RCOR3: variants seen among roughly 807,000 people sequenced by gnomAD.
RCOR3 encodes REST corepressor 3.
A neutral mutation model predicts 64.1 loss-of-function variants in RCOR3; 13 were observed. The ratio of observed to expected loss-of-function variants is 0.20; its 90% CI spans 0.13 to 0.32. RCOR3 has a LOEUF of 0.32. Among genes scored for constraint, RCOR3 ranks in the 10% least tolerant of loss-of-function variants. RCOR3 has a pLI of 1.00. For missense variants in RCOR3, 489 were observed against 701.2 expected, an observed-to-expected ratio of 0.70 and a Z score of 3.42; for synonymous variants, 215 against 239.0, an observed-to-expected ratio of 0.90 and a Z score of 0.93.
At chr1:211,270,524 A>G (rs543809297) in intron 2 of RCOR3, among the ~76,000 whole-genome samples, 14 of 138,810 alleles carry the variant, frequency 1.0e-4, no homozygotes, top group African/African-American at 3.2e-4. Context: ...AATTACAGCA[A>G]TCTTGGCCCA....
intron 2 of RCOR3, among the ~76,000 whole-genome samples, chr1:211,263,081 T>A (rs1320098084): frequency 7.0e-6 from 1 of 142,396 alleles, no homozygotes; most frequent in Non-Finnish European, 1.5e-5. Flanking sequence ...GTCCGTGTGT[T>A]CTCATTGTTC....
In RCOR3 at chr1:211,279,293, CCCAAAAAAGAAG is replaced by C; in HGVS notation, c.708_719del (p.Ala237_Glu240del). 12 of 1,610,774 alleles carry C rather than the reference CCCAAAAAAGAAG, an allele frequency of 7.4e-6. No individual in the cohort carries two copies. Among genetic ancestry groups the C allele is most frequent in the East Asian group, 4.5e-5 (2 of 44,722 alleles). On this transcript the variant is annotated inframe_deletion, in exon 7 of 12. Transcript: ENST00000419091. ...GGATGGGAATGATAGTGATTATGATCCCAAAAAAGAAGCCAAAAAAGAGGTAATGATGATCAC... is the reference window on the plus strand; with the variant it reads ...GGATGGGAATGATAGTGATTATGATCCCAAAAAAGAGGTAATGATGATCAC...
intron 2 of RCOR3, among the ~76,000 whole-genome samples, chr1:211,262,451 A>G (rs762291555): frequency 4.5e-4 from 69 of 151,954 alleles, no homozygotes; most frequent in Non-Finnish European, 8.4e-4. Context: ...CACCTTTCTG[A>G]TTTGGAGCTT....
chr1:211,270,948 G>A (rs1034810834), intron 2 of RCOR3, among the ~76,000 whole-genome samples: 7 of 151,414 alleles, frequency 4.6e-5, no homozygotes, highest in Non-Finnish European at 7.4e-5. Flanking sequence ...TCCGCCTCCC[G>A]GGTTCACGCC....
intron 8 of RCOR3, among the ~76,000 whole-genome samples, chr1:211,293,474 C>G (rs187044081): frequency 6.6e-6 from 1 of 152,314 alleles, no homozygotes; most frequent in Non-Finnish European, 1.5e-5. Flanking sequence ...GCAGTCCCTC[C>G]TCCCAAGCTT....
intron 7 of RCOR3, among the ~76,000 whole-genome samples, chr1:211,280,379 G>A (rs536556975): frequency 6.6e-6 from 1 of 152,266 alleles, no homozygotes; most frequent in Admixed American, 6.5e-5. Flanking sequence ...TGCCCACTAA[G>A]CTGCTAACTC....
At chr1:211,285,169 A>G (rs1287394015) in intron 7 of RCOR3, among the ~76,000 whole-genome samples, 1 of 152,142 alleles carries the variant, frequency 6.6e-6, no homozygotes, top group Non-Finnish European at 1.5e-5. Context: ...TAGTCCTTGT[A>G]TCTTATTTCT....
chr1:211,266,745 C>G (rs114299082), intron 2 of RCOR3, among the ~76,000 whole-genome samples: 4,231 of 152,198 alleles, frequency 0.028, 209 homozygotes, highest in African/African-American at 0.095. Flanking sequence ...AATGTCTGTT[C>G]AATGTTTTAG....
intron 10 of RCOR3, among the ~76,000 whole-genome samples, chr1:211,307,490 A>AGAATTGAAAAAG (rs1700969265): frequency 6.6e-6 from 1 of 150,590 alleles, no homozygotes; most frequent in Non-Finnish European, 1.5e-5. Flanking sequence ...CAAAAAAAAA[A>AGAATTGAAAAAG]GAATTTAAAA....
rs1431775362 is a variant in RCOR3, at chr1:211,314,661, C to G, written c.*893C>G. 6.6e-6 allele frequency: 1 copy of G among 152,104 alleles called. No individual in the cohort carries two copies. Among genetic ancestry groups the G allele is most frequent in the Non-Finnish European group, 1.5e-5 (1 of 67,996 alleles). 9.4% of individuals were successfully genotyped at this position (152,104 alleles called of 1,614,324 possible). ...AGTAGTTGCCTACATCTGGGGACTTCAGAGAAGAATTATATTTTGTTAGTT... is the reference window on the plus strand; with the variant it reads ...AGTAGTTGCCTACATCTGGGGACTTGAGAGAAGAATTATATTTTGTTAGTT... On this transcript the variant is annotated 3_prime_UTR_variant, in exon 12 of 12. Coordinates refer to ENST00000419091, the MANE Select transcript of RCOR3 (RefSeq NM_001136223.3).
chr1:211,289,327 C>T lies in RCOR3; in HGVS notation c.870C>T (p.Ser290=), dbSNP rs1407210342. 6.2e-7 allele frequency: 1 copy of T among 1,614,124 alleles called. No individual in the cohort carries two copies. The highest frequency in any genetic ancestry group is 8.5e-7 in the Non-Finnish European group (1 of 1,180,024). The change falls in exon 8 of 12, where the codon TCC becomes TCT. Residue 290 remains serine (S), a synonymous_variant. Coordinates refer to ENST00000419091, the MANE Select transcript of RCOR3 (RefSeq NM_001136223.3). The part of the protein sequence containing the change: ...YLTQEDVVAV[S]CSPNAANTIL... ...CCCAGGAAGATGTGGTAGCAGTTTC[C>T]TGTAGTCCCAATGCAGCCAACACCA...
At chr1:211,307,756 A>C (rs932978284) in intron 10 of RCOR3, among the ~76,000 whole-genome samples, 1 of 151,878 alleles carries the variant, frequency 6.6e-6, no homozygotes, top group Non-Finnish European at 1.5e-5. Context: ...TCCCAACTAA[A>C]ATTTATGCTA....
At chr1:211,301,173 T>C (rs1700344262) in intron 9 of RCOR3, among the ~76,000 whole-genome samples, 1 of 152,134 alleles carries the variant, frequency 6.6e-6, no homozygotes, top group African/African-American at 2.4e-5. Context: ...CTTATAAAAA[T>C]TTTCCAGAGT....
intron 1 of RCOR3, 126 bp from the exon 2 acceptor site, chr1:211,259,982 T>TA: frequency 7.6e-7 from 1 of 1,321,874 alleles, no homozygotes. Context: ...CCCGAGTTGA[T>TA]ATCTTCCCAT....
At chr1:211,292,868 G>C (rs770419811) in intron 8 of RCOR3, among the ~76,000 whole-genome samples, 1 of 151,958 alleles carries the variant, frequency 6.6e-6, no homozygotes, top group Non-Finnish European at 1.5e-5. Flanking sequence ...GGTGAATCGC[G>C]AGGTTAGGAG....
rs764455935 is a variant in RCOR3 at position 211,313,662 on chromosome 1, C to A, written c.1556C>A (p.Ser519Tyr). The change falls in exon 12 of 12, where the codon TCC becomes TAC. Residue 519 changes from serine (S) to tyrosine (Y), a missense_variant. Transcript: ENST00000419091. This position sits in a 1 kb window ranked among gnomAD's most constrained non-coding sequence, Gnocchi z 4.7. ...CCACCTCTTATTCGCCCTGCTAATT[C>A]CATGCCACCCCGTCTAAACCCAAGA... ...PPPPLIRPAN[S>Y]MPPRLNPRPV... is the part of the protein sequence containing the mutation. The A allele has an allele frequency of 6.2e-7, 1 of 1,614,216 alleles. No individual in the cohort carries two copies. The highest frequency in any genetic ancestry group is 8.5e-7 in the Non-Finnish European group (1 of 1,180,034).
In RCOR3 at chr1:211,312,244, G is replaced by C; in HGVS notation, c.1076-476G>C. 1 of 343,870 alleles carries C rather than the reference G, an allele frequency of 2.9e-6. No homozygotes were observed. The highest frequency in any genetic ancestry group is 6.3e-6 in the Non-Finnish European group (1 of 159,082). 21.3% of individuals were successfully genotyped at this position (343,870 alleles called of 1,614,324 possible). ...TTAGTATTAAGACCAAAATTATAAT[G>C]CTTTTCTTAATGGGGGAACCCTAAG... On this transcript the variant is annotated intron_variant, in intron 10 of 11. Transcript: ENST00000419091. This position sits in a 1 kb window ranked among gnomAD's most constrained non-coding sequence, Gnocchi z 5.0.
intron 10 of RCOR3, among the ~76,000 whole-genome samples, chr1:211,311,705 T>C (rs1701502235): frequency 6.6e-6 from 1 of 152,174 alleles, no homozygotes; most frequent in South Asian, 2.1e-4. Flanking sequence ...AGTTACTGTT[T>C]TCTGGTATTT....
intron 2 of RCOR3, chr1:211,261,028 T>TCCTTCTCCCCACCCTGCCTGAGAC: frequency 1.3e-5 from 2 of 152,402 alleles, no homozygotes; most frequent in East Asian, 1.9e-4. Context: ...GGAGCGCGTT[T>TCCTTCTCCCCACCCTGCCTGAGAC]CCTTCTCCCC....
Sources: allele counts gnomAD v4.1 joint callset (sites outside exome capture counted in the v4.1 genomes callset), GRCh38; gene constraint gnomAD v4.1.1; non-coding constraint Gnocchi (gnomAD v3.1); transcripts MANE v1.5; gene names NCBI Gene and HGNC (gene_info 2026-07-23, HGNC 2026-07-21).